Variants in SEC23IP observed in about 807,000 individuals in gnomAD.
SEC23IP encodes the protein SEC23-interacting protein.
Under a neutral mutation model 113.4 loss-of-function variants are expected in SEC23IP, and 70 were observed. That is an observed-to-expected ratio of 0.62 (90% confidence interval 0.51 to 0.75). The LOEUF is 0.75. SEC23IP is among the 30% of genes least tolerant of loss of function. The probability of loss-of-function intolerance (pLI) is 0.00; values close to 1 mark genes in which losing one functional copy is unlikely to be tolerated. For missense variants in SEC23IP, 1,160 were observed against 1,204.9 expected (o/e 0.96, Z 0.55); for synonymous variants, 398 against 421.0 (o/e 0.95, Z 0.67).
At chr10:119,935,625 A>G (rs1445104681) in intron 18 of SEC23IP, among the ~76,000 whole-genome samples, 1 of 152,088 alleles carries the variant, frequency 6.6e-6, no homozygotes, top group African/African-American at 2.4e-5. Flanking sequence ...AGTGCCAGGT[A>G]TTATTTTAGG....
At chr10:119,937,661 G>A (rs1855842158) in intron 18 of SEC23IP, among the ~76,000 whole-genome samples, 1 of 151,278 alleles carries the variant, frequency 6.6e-6, no homozygotes, top group Admixed American at 6.6e-5. Flanking sequence ...ACATAGCCCA[G>A]TCTTTTATGA....
chr10:119,933,268 A>G (rs1471356812), intron 17 of SEC23IP, 101 bp downstream of exon 17: 12 of 929,106 alleles, frequency 1.3e-5, no homozygotes, highest in Non-Finnish European at 2.0e-5. Flanking sequence ...ACAATGTACT[A>G]TGAATATTCA....
chr10:119,932,057 GTTAAC>G, intron 15 of SEC23IP, 71 bp from the exon 16 acceptor site: 1 of 916,278 alleles, frequency 1.1e-6, no homozygotes, highest in Non-Finnish European at 1.8e-6. Context: ...TGAGAAGAGT[GTTAAC>G]TTACAATTTT....
intron 4 of SEC23IP, among the ~76,000 whole-genome samples, chr10:119,907,227 C>T (rs886579845): frequency 6.0e-5 from 9 of 151,128 alleles, no homozygotes; most frequent in African/African-American, 1.9e-4. Context: ...ACCTGGGAGG[C>T]GGAGGTTGCG....
chr10:119,905,707 A>T (rs1854640374), intron 4 of SEC23IP, among the ~76,000 whole-genome samples: 1 of 152,206 alleles, frequency 6.6e-6, no homozygotes, highest in Non-Finnish European at 1.5e-5. Context: ...TGAAGACATG[A>T]TTATTGTCTA....
intron 13 of SEC23IP, among the ~76,000 whole-genome samples, chr10:119,929,151 T>C (rs563157700): frequency 6.6e-6 from 1 of 152,360 alleles, no homozygotes; most frequent in South Asian, 2.1e-4. Flanking sequence ...TCTTATATAC[T>C]ATTATGCCGT....
At chr10:119,914,160 CCAAAACAAAA>C (rs1008614440) in intron 6 of SEC23IP, among the ~76,000 whole-genome samples, 2 of 152,122 alleles carry the variant, frequency 1.3e-5, no homozygotes, top group African/African-American at 4.8e-5. Context: ...AACTCCATCT[CCAAAACAAAA>C]CAAAACAAAA....
At chr10:119,918,120 T>G in intron 9 of SEC23IP, 76 bp downstream of exon 9, 2 of 1,174,992 alleles carry the variant, frequency 1.7e-6, no homozygotes, top group South Asian at 1.4e-5. Flanking sequence ...GGTGATATTG[T>G]TAGTGCAAAA....
In SEC23IP at chr10:119,929,684, C is replaced by T. The variant is rs1855530685; in HGVS notation, c.2391C>T (p.Leu797=). The change falls in exon 14 of 19, where the codon CTC becomes CTT. Residue 797 remains leucine, a synonymous_variant. Transcript: ENST00000369075. ...TGGGGTCTCCAATTGCTATGTTTCT[C>T]ACTATTCGAGGAGTTGATAGGATAG... is the stretch of plus-strand genomic sequence containing the variant. ...FALGSPIAMF[L]TIRGVDRIDE... 6.2e-7 allele frequency: 1 copy of T among 1,603,830 alleles called. No homozygotes were observed. The highest frequency in any genetic ancestry group is 8.5e-7 in the Non-Finnish European group (1 of 1,170,624).
At chr10:119,931,988 T>C in intron 15 of SEC23IP, 145 bp from the exon 16 acceptor site, 1 of 528,188 alleles carries the variant, frequency 1.9e-6, no homozygotes, top group Non-Finnish European at 3.4e-6. Context: ...TGAGGGTTCT[T>C]GGCTGAGGCA....
At chr10:119,895,165 C>T (rs1854233340) in intron 1 of SEC23IP, among the ~76,000 whole-genome samples, 1 of 152,078 alleles carries the variant, frequency 6.6e-6, no homozygotes, top group Admixed American at 6.6e-5. Context: ...GGGTGGATCA[C>T]CTGAGGTCAG....
intron 1 of SEC23IP, among the ~76,000 whole-genome samples, chr10:119,895,025 T>C (rs1027173257): frequency 1.3e-5 from 2 of 151,994 alleles, no homozygotes; most frequent in African/African-American, 4.8e-5. Flanking sequence ...AGAACCTGTC[T>C]CCCTGGAAGC....
chr10:119,893,328 A>G (rs1025597266), intron 1 of SEC23IP, among the ~76,000 whole-genome samples: 1 of 151,886 alleles, frequency 6.6e-6, no homozygotes, highest in Non-Finnish European at 1.5e-5. Context: ...AGGATACGGT[A>G]AGATACCTCC....
At chr10:119,911,262 A>G (rs185590273) in intron 5 of SEC23IP, among the ~76,000 whole-genome samples, 104 of 150,912 alleles carry the variant, frequency 6.9e-4, no homozygotes, top group African/African-American at 2.3e-3. Context: ...CTTGTCCTTG[A>G]TTTCTTTTTT....
chr10:119,907,101 AG>A (rs1854697262), intron 4 of SEC23IP, among the ~76,000 whole-genome samples: 1 of 151,606 alleles, frequency 6.6e-6, no homozygotes, highest in Non-Finnish European at 1.5e-5. Flanking sequence ...TTTCGAGACC[AG>A]TCTGGCCAAC....
At chr10:119,937,855 T>C (rs1745124133) in intron 18 of SEC23IP, among the ~76,000 whole-genome samples, 2 of 152,200 alleles carry the variant, frequency 1.3e-5, no homozygotes, top group Non-Finnish European at 2.9e-5. Context: ...TTTTATCATA[T>C]GCCAAATATT....
At chr10:119,901,836 G>C (rs1854508684) in intron 2 of SEC23IP, among the ~76,000 whole-genome samples, 1 of 152,048 alleles carries the variant, frequency 6.6e-6, no homozygotes, top group African/African-American at 2.4e-5. Flanking sequence ...GCAGGCCTGT[G>C]CCACCACGCC....
Position 119,904,190 on chromosome 10 carries a change from C to A in SEC23IP, c.1014C>A (p.Ala338=), listed in dbSNP as rs777557183. ...RKAAYWEEEP[A]EVRRCTWFYK... ...CTGCCTACTGGGAAGAGGAGCCAGC[C>A]GAAGTGAGACGCTGTACTTGGTTTT... Residue 338 remains alanine, a synonymous_variant, in exon 4 of 19, where the codon GCC becomes GCA. Coordinates refer to ENST00000369075, the MANE Select transcript of SEC23IP (RefSeq NM_007190.4). 1 of 1,614,158 alleles carries A rather than the reference C, an allele frequency of 6.2e-7. No homozygotes were observed. Among genetic ancestry groups the A allele is most frequent in the Non-Finnish European group, 8.5e-7 (1 of 1,180,032 alleles).
chr10:119,921,910 A>C (rs59633270), intron 12 of SEC23IP, among the ~76,000 whole-genome samples: 1 of 151,844 alleles, frequency 6.6e-6, no homozygotes, highest in Non-Finnish European at 1.5e-5. Flanking sequence ...ATTTCTTTAT[A>C]TGGGAAATGA....
Sources: allele counts gnomAD v4.1 joint callset (sites outside exome capture counted in the v4.1 genomes callset), GRCh38; gene constraint gnomAD v4.1.1; transcripts MANE v1.5; gene names NCBI Gene and HGNC (gene_info 2026-07-23, HGNC 2026-07-21).